Variants in TRIM55 observed in about 807,000 individuals in gnomAD.
TRIM55 encodes tripartite motif containing 55.
A neutral mutation model predicts 60.9 loss-of-function variants in TRIM55; 50 were observed. The ratio of observed to expected loss-of-function variants is 0.82; its 90% CI spans 0.65 to 1.04. The LOEUF (loss-of-function observed/expected upper bound fraction) is 1.04. Ranked by LOEUF, TRIM55 falls within the 50% of genes least tolerant of loss-of-function variation. TRIM55 has a pLI of 0.00. For missense variants in TRIM55, 681 were observed against 666.9 expected, an observed-to-expected ratio of 1.02 and a Z score of -0.23; for synonymous variants, 237 against 238.1, an observed-to-expected ratio of 1.00 and a Z score of 0.04.
At chr8:66,127,778 C>T (rs758142973) in intron 1 of TRIM55, among the ~76,000 whole-genome samples, 3 of 152,102 alleles carry the variant, frequency 2.0e-5, no homozygotes, top group African/African-American at 4.8e-5. Flanking sequence ...GACATTGCAG[C>T]GAGCGGAGAT....
chr8:66,154,197 A>G lies in TRIM55; in HGVS notation c.1387A>G (p.Ser463Gly), dbSNP rs770055774. 13 of 1,614,066 alleles carry G rather than the reference A, an allele frequency of 8.1e-6. No individual in the cohort carries two copies. The highest frequency in any genetic ancestry group is 1.1e-5 in the Non-Finnish European group (13 of 1,180,002). Residue 463 changes from serine to glycine, a missense_variant, in exon 9 of 10, where the codon AGC becomes GGC. Ser to Gly is a moderately conservative substitution (Grantham distance 56). Transcript: ENST00000315962. ...ATTNPPCTPG[S>G]EGLGQIGPPG... ...CACCAACCCACCTTGCACCCCAGGG[A>G]GCGAAGGTCTGGGGCAAATAGGGCC...
At chr8:66,148,268 C>T (rs906737460) in intron 4 of TRIM55, among the ~76,000 whole-genome samples, 5 of 152,214 alleles carry the variant, frequency 3.3e-5, no homozygotes, top group Non-Finnish European at 5.9e-5. Context: ...CTAAAGGGAT[C>T]TGGATGGTAC....
At chr8:66,141,595 T>A (rs1020794582) in intron 4 of TRIM55, among the ~76,000 whole-genome samples, 5 of 152,234 alleles carry the variant, frequency 3.3e-5, no homozygotes, top group Non-Finnish European at 7.3e-5. Context: ...TCTTGTGAAC[T>A]TTACCAGTGG....
chr8:66,118,904 T>A, the TRIM55 span, among the ~76,000 whole-genome samples: 3 of 152,152 alleles, frequency 2.0e-5, no homozygotes, highest in African/African-American at 7.2e-5. Flanking sequence ...GATGGATGGA[T>A]GGACAGGTGG....
the TRIM55 span, among the ~76,000 whole-genome samples, chr8:66,116,449 A>C: frequency 2.0e-5 from 3 of 152,154 alleles, no homozygotes; most frequent in South Asian, 6.2e-4. Context: ...TCTACAAAAA[A>C]TACAAAAAGT....
At chr8:66,170,953 C>G (rs1258738825) in intron 9 of TRIM55, among the ~76,000 whole-genome samples, 1 of 152,210 alleles carries the variant, frequency 6.6e-6, no homozygotes. Flanking sequence ...CTGACAGAGC[C>G]TTGTAGACAT....
At chr8:66,121,132 A>G in the TRIM55 span, among the ~76,000 whole-genome samples, 1 of 152,246 alleles carries the variant, frequency 6.6e-6, no homozygotes, top group Non-Finnish European at 1.5e-5. Context: ...TCAGCGTCAC[A>G]TCCACTGTTG....
In TRIM55 at chr8:66,152,509, C is replaced by G; in HGVS notation, c.1118C>G (p.Pro373Arg). The change falls in exon 8 of 10, where the codon CCA (proline) becomes CGA (arginine). Residue 373 changes from proline to arginine, a missense_variant. By Grantham distance (103) the Pro-to-Arg change is moderately radical. Transcript: ENST00000315962. ...QTEFPGEDEN[P>R]EKASELSQVE... ...GAGTTTCCAGGAGAAGATGAAAACC[C>G]AGAAAAAGCTTCAGAGCTCTCTCAG... 1 of 1,614,070 alleles carries G rather than the reference C, an allele frequency of 6.2e-7. No homozygotes were observed. The highest frequency in any genetic ancestry group is 1.1e-5 in the South Asian group (1 of 91,078).
chr8:66,155,939 A>G (rs894125332), intron 9 of TRIM55, among the ~76,000 whole-genome samples: 4 of 152,098 alleles, frequency 2.6e-5, no homozygotes, highest in Admixed American at 6.6e-5. Flanking sequence ...ATGGAGGGGA[A>G]CCTTGACTGA....
intron 9 of TRIM55, among the ~76,000 whole-genome samples, chr8:66,164,489 C>T (rs1297477434): frequency 6.6e-6 from 1 of 152,226 alleles, no homozygotes; most frequent in Admixed American, 6.5e-5. Context: ...GCAGAGGCCA[C>T]CTGTCATGGA....
At chr8:66,154,376 C>G in intron 9 of TRIM55, 42 bp downstream of exon 9, 4 of 1,596,946 alleles carry the variant, frequency 2.5e-6, no homozygotes, top group Non-Finnish European at 3.4e-6. Context: ...CCCGCGCCCC[C>G]TAGGGTCCCA....
the TRIM55 span, chr8:66,114,873 T>TA: frequency 3.9e-5 from 12 of 308,492 alleles, no homozygotes; most frequent in South Asian, 3.5e-4. Context: ...GAGAATTAAC[T>TA]AGAGACCAGC....
At chr8:66,113,661 G>T in the TRIM55 span, 1 of 449,962 alleles carries the variant, frequency 2.2e-6, no homozygotes, top group Non-Finnish European at 4.5e-6. Context: ...GCAGCTGTGG[G>T]TCTGCGCTTG....
intron 9 of TRIM55, among the ~76,000 whole-genome samples, chr8:66,164,351 G>A (rs941324600): frequency 2.6e-5 from 4 of 152,212 alleles, no homozygotes; most frequent in Non-Finnish European, 5.9e-5. Flanking sequence ...AGTTGTCACT[G>A]TTCTGTGGGG....
At chr8:66,113,466 T>C in the TRIM55 span, 2 of 452,874 alleles carry the variant, frequency 4.4e-6, no homozygotes, top group Admixed American at 2.4e-5. Context: ...AGGAGACAAG[T>C]GCGGTTTTTT....
At chr8:66,146,723 A>G (rs919428029) in intron 4 of TRIM55, among the ~76,000 whole-genome samples, 4 of 152,234 alleles carry the variant, frequency 2.6e-5, no homozygotes, top group Admixed American at 1.3e-4. Flanking sequence ...AAGATAATAC[A>G]GTGAAAGAGA....
the TRIM55 span, among the ~76,000 whole-genome samples, chr8:66,114,084 C>A: frequency 1.7e-5 from 2 of 115,522 alleles, no homozygotes; most frequent in African/African-American, 3.0e-5. Flanking sequence ...GGAGAGACAC[C>A]CCCCCCCCCA....
At chr8:66,150,018 T>C in intron 5 of TRIM55, 140 bp downstream of exon 5, 4 of 899,810 alleles carry the variant, frequency 4.4e-6, no homozygotes, top group Non-Finnish European at 6.7e-6. Flanking sequence ...TGCTTATATA[T>C]TAATCTATTT....
At chr8:66,122,531 C>T (rs1371967476), upstream of TRIM55, among the ~76,000 whole-genome samples, 2 of 152,172 alleles carry the variant, frequency 1.3e-5, no homozygotes, top group Non-Finnish European at 2.9e-5. Flanking sequence ...CACAGGCATG[C>T]ATCCTCAACC....
Sources: gnomAD v4.1 joint callset for allele counts (sites outside exome capture counted in the v4.1 genomes callset) on GRCh38, gnomAD v4.1.1 for gene constraint, MANE v1.5 for transcripts, NCBI Gene and HGNC (gene_info 2026-07-23, HGNC 2026-07-21) for gene names.